The following ABCC1 variants were observed in gnomAD, a reference collection of about 807,000 sequenced individuals.
The protein encoded by ABCC1 is ATP binding cassette subfamily C member 1 (ABCC1 blood group), also known as multidrug resistance-associated protein 1.
ABCC1 carries 83 observed loss-of-function variants against 172.9 expected under a neutral mutation model. The observed-to-expected ratio is 0.48, with a 90% confidence interval of 0.40 to 0.58. The LOEUF is 0.58. ABCC1 is among the 20% of genes least tolerant of loss of function. ABCC1 has a pLI of 0.00. For synonymous variants in ABCC1, 937 were observed against 825.2 expected (o/e 1.14, Z -2.32); for missense variants, 1,817 against 2,002.7 (o/e 0.91, Z 1.77).
intron 5 of ABCC1, among the ~76,000 whole-genome samples, chr16:16,023,226 G>C (rs1378434612): frequency 5.3e-5 from 8 of 152,078 alleles, no homozygotes; most frequent in Admixed American, 2.6e-4. Context: ...TTTGATATCT[G>C]AAACTTCCTT....
chr16:15,973,282 G>A lies in ABCC1; in HGVS notation c.48+23483G>A, dbSNP rs185635462. Among the ~76,000 whole-genome samples the A allele has an allele frequency of 1.2e-4, 18 of 152,242 alleles. No individual in the cohort carries two copies. In the East Asian group the frequency reaches 3.5e-3, roughly 29 times the overall value. On this transcript the variant is annotated intron_variant, in intron 1 of 30. Coordinates refer to ENST00000399410, the MANE Select transcript of ABCC1 (RefSeq NM_004996.4). ...ATATTCTTTAAATCGCCTATTATCA[G>A]TGGTTCTTAACTCTGGATGATTTTG...
At chr16:16,061,549 A>T (rs2049912817) in intron 12 of ABCC1, among the ~76,000 whole-genome samples, 1 of 152,170 alleles carries the variant, frequency 6.6e-6, no homozygotes, top group African/African-American at 2.4e-5. Context: ...ACCACAGTCA[A>T]TAGTGAAAGG....
intron 5 of ABCC1, among the ~76,000 whole-genome samples, chr16:16,017,504 C>G (rs945338111): frequency 5.3e-5 from 8 of 152,120 alleles, no homozygotes; most frequent in African/African-American, 1.9e-4. Context: ...CTGCACAGAT[C>G]AACCCATCAT....
chr16:15,973,006 G>T (rs1266021180), intron 1 of ABCC1, among the ~76,000 whole-genome samples: 1 of 151,574 alleles, frequency 6.6e-6, no homozygotes, highest in East Asian at 1.9e-4. Context: ...TGTTGCCCAG[G>T]CTGCTCTTGA....
chr16:16,056,921 T>A (rs892940348), intron 12 of ABCC1, among the ~76,000 whole-genome samples: 8 of 152,188 alleles, frequency 5.3e-5, no homozygotes, highest in African/African-American at 1.9e-4. Context: ...ACGGCACGCT[T>A]GGTGCCATAG....
intron 5 of ABCC1, among the ~76,000 whole-genome samples, chr16:16,020,406 C>G (rs932747410): frequency 6.6e-6 from 1 of 152,196 alleles, no homozygotes; most frequent in African/African-American, 2.4e-5. Flanking sequence ...TGCCATTTAC[C>G]TTTTTGCAGA....
In ABCC1 at chr16:16,106,345, C is replaced by G. The variant is rs538083902; in HGVS notation, c.2736-393C>G. 2.0e-5 allele frequency among the ~76,000 whole-genome samples: 3 copies of G among 146,652 alleles called. No individual in the cohort carries two copies. In the South Asian group the frequency reaches 6.4e-4, roughly 31 times the overall value. On this transcript the variant is annotated intron_variant, in intron 20 of 30. Transcript: ENST00000399410. ...ATCTTTTTCATGTTTGAAAAATGAT[C>G]TACGATGTGCCCTTTCTGTTATATC...
chr16:16,102,110 G>A (rs1396309409), intron 19 of ABCC1, among the ~76,000 whole-genome samples: 2 of 152,172 alleles, frequency 1.3e-5, no homozygotes, highest in African/African-American at 2.4e-5. Flanking sequence ...CCTCTCTGTG[G>A]TCTAGGAACT....
At chr16:16,061,090 A>AT (rs1347909875) in intron 12 of ABCC1, among the ~76,000 whole-genome samples, 1 of 151,620 alleles carries the variant, frequency 6.6e-6, no homozygotes, top group African/African-American at 2.4e-5. Flanking sequence ...TGCCAAGCCA[A>AT]TTTTTTGTAT....
At chr16:15,986,030 G>A (rs1237269757) in intron 1 of ABCC1, among the ~76,000 whole-genome samples, 1 of 151,654 alleles carries the variant, frequency 6.6e-6, no homozygotes, top group Non-Finnish European at 1.5e-5. Flanking sequence ...TGCCTCCCAG[G>A]TTCAAGTGAT....
intron 1 of ABCC1, among the ~76,000 whole-genome samples, chr16:15,993,245 A>C (rs1265322136): frequency 3.3e-5 from 5 of 152,184 alleles, no homozygotes; most frequent in Non-Finnish European, 7.3e-5. Flanking sequence ...TGAATGAATG[A>C]ATGCATGACA....
At chr16:16,091,210 C>T (rs1258580374) in intron 19 of ABCC1, among the ~76,000 whole-genome samples, 2 of 152,006 alleles carry the variant, frequency 1.3e-5, no homozygotes. Context: ...GGGAGGATCG[C>T]TCCAGCTCAG....
At chr16:15,960,966 C>T (rs2046113797) in intron 1 of ABCC1, among the ~76,000 whole-genome samples, 1 of 150,406 alleles carries the variant, frequency 6.6e-6, no homozygotes, top group South Asian at 2.1e-4. Context: ...GAAGCAAGAA[C>T]CTTCTGATCT....
rs776425817 is a variant in ABCC1, at chr16:16,007,812, G to A, written c.49-4G>A. Reference sequence around the variant, plus strand: ...TGACCCCTCGCCTGTGTTTGTGTTCGCAGGACTGGAATGTCACGTGGAATA... The same window carrying A: ...TGACCCCTCGCCTGTGTTTGTGTTCACAGGACTGGAATGTCACGTGGAATA... On this transcript the variant is annotated splice_polypyrimidine_tract_variant and splice_region_variant and intron_variant, in intron 1 of 30. Transcript: ENST00000399410. The A allele has an allele frequency of 8.7e-6, 14 of 1,608,436 alleles. No individual in the cohort carries two copies. Among genetic ancestry groups the A allele is most frequent in the African/African-American group, 4.0e-5 (3 of 74,738 alleles).
At position 16,045,727 on chromosome 16, in the gene ABCC1, T is replaced by A. The variant is rs1567344342; in HGVS notation, c.1041-109T>A. 6 of 1,065,274 alleles carry A rather than the reference T, an allele frequency of 5.6e-6. No individual in the cohort carries two copies. The South Asian group carries it at 7.7e-5, about 14-fold the overall frequency. The allele number at this position is 1,065,274 out of a possible 1,614,324, so 66.0% of individuals were successfully genotyped here. On this transcript the variant is annotated intron_variant, in intron 8 of 30. Coordinates refer to ENST00000399410, the MANE Select transcript of ABCC1 (RefSeq NM_004996.4). ...TCCATCTATGAAATTGAAGTGATAGTGTCTAGCTCATCTGGCTCAGGAGAA... is the reference window on the plus strand; with the variant it reads ...TCCATCTATGAAATTGAAGTGATAGAGTCTAGCTCATCTGGCTCAGGAGAA...
chr16:16,139,611 CAAAAAAAAAAAAAA>C (rs386384360), intron 30 of ABCC1, among the ~76,000 whole-genome samples: 2 of 57,350 alleles, frequency 3.5e-5, no homozygotes, highest in African/African-American at 8.0e-5. Context: ...GACTCCATCT[CAAAAAAAAAAAAAA>C]AAAAAAAAAG....
upstream of ABCC1, chr16:15,949,536 G>C (rs1211812921): frequency 6.6e-6 from 1 of 150,622 alleles, no homozygotes; most frequent in Non-Finnish European, 1.4e-5. Context: ...GGCGGGGCGG[G>C]GTGGGGCGGG....
At chr16:16,059,113 A>G (rs1567358262) in intron 12 of ABCC1, among the ~76,000 whole-genome samples, 2 of 152,282 alleles carry the variant, frequency 1.3e-5, no homozygotes, top group Admixed American at 6.5e-5. Context: ...GTGGATCCTC[A>G]CTGCCTAAAG....
At chr16:16,028,336 G>T (rs1242025665) in intron 5 of ABCC1, among the ~76,000 whole-genome samples, 6 of 152,050 alleles carry the variant, frequency 3.9e-5, no homozygotes, top group African/African-American at 1.4e-4. Flanking sequence ...ATGGGGCAGG[G>T]GTCTCGCTGT....
Sources: allele counts gnomAD v4.1 joint callset (sites outside exome capture counted in the v4.1 genomes callset), GRCh38; gene constraint gnomAD v4.1.1; transcripts MANE v1.5; gene names NCBI Gene and HGNC (gene_info 2026-07-23, HGNC 2026-07-21).